Variants in ZNF536 observed in about 807,000 individuals in gnomAD.
ZNF536 encodes the protein zinc finger protein 536.
In ZNF536, 13 loss-of-function variants were observed where a neutral mutation model predicts 84.5. The ratio of observed to expected loss-of-function variants is 0.15; its 90% CI spans 0.10 to 0.24. The LOEUF (loss-of-function observed/expected upper bound fraction) is 0.24, where lower values mean the gene tolerates loss of function less well. Ranked by LOEUF, ZNF536 falls within the 10% of genes least tolerant of loss-of-function variation. The pLI is 1.00. For synonymous variants in ZNF536, 811 were observed against 742.5 expected, an observed-to-expected ratio of 1.09 and a Z score of -1.50; for missense variants, 1,536 against 1,747.5, an observed-to-expected ratio of 0.88 and a Z score of 2.16.
chr19:30,225,735 G>C (rs1404931089), upstream of ZNF536, among the ~76,000 whole-genome samples: 1 of 145,478 alleles, frequency 6.9e-6, no homozygotes, highest in Non-Finnish European at 1.5e-5. Context: ...CGCGGCGCGG[G>C]GGGGCGGCGG....
intron 1 of ZNF536, among the ~76,000 whole-genome samples, chr19:30,408,183 C>T (rs1299929898): frequency 1.3e-5 from 2 of 152,106 alleles, no homozygotes; most frequent in African/African-American, 4.8e-5. Flanking sequence ...GGAAGTTCAA[C>T]CTGTTTTTTG....
At chr19:30,325,377 G>T (rs6510115) in intron 2 of ZNF536, among the ~76,000 whole-genome samples, 2 of 152,032 alleles carry the variant, frequency 1.3e-5, no homozygotes, top group African/African-American at 4.8e-5. Flanking sequence ...TGCAACCCAG[G>T]GCTGCAAGTC....
chr19:30,293,948 A>AT (rs34561500), intron 2 of ZNF536, among the ~76,000 whole-genome samples: 2,300 of 150,824 alleles, frequency 0.015, 24 homozygotes, highest in Middle Eastern at 0.021. Flanking sequence ...TAGCTATTAG[A>AT]TTTTTTTTTT....
At chr19:30,239,776 T>C (rs2023803355) in intron 1 of ZNF536, among the ~76,000 whole-genome samples, 1 of 152,218 alleles carries the variant, frequency 6.6e-6, no homozygotes, top group Non-Finnish European at 1.5e-5. Context: ...TTGCCTTTCC[T>C]GTCCCTACCC....
intron 1 of ZNF536, among the ~76,000 whole-genome samples, chr19:30,398,428 T>C (rs188279505): frequency 6.6e-6 from 1 of 151,870 alleles, no homozygotes. Flanking sequence ...ATAGGGTACA[T>C]GTGCAGAATG....
At chr19:30,497,643 G>A (rs530247070) in intron 2 of ZNF536, among the ~76,000 whole-genome samples, 12 of 152,194 alleles carry the variant, frequency 7.9e-5, no homozygotes, top group Admixed American at 1.3e-4. Flanking sequence ...AAGCAAGGGG[G>A]TGCCCCAGGG....
intron 3 of ZNF536, among the ~76,000 whole-genome samples, chr19:30,544,924 C>T (rs918454456): frequency 2.0e-5 from 3 of 152,166 alleles, no homozygotes; most frequent in African/African-American, 4.8e-5. Flanking sequence ...TTCAGAGTAG[C>T]GTGGGTGTCC....
chr19:30,417,063 T>C (rs191145141), intron 1 of ZNF536, among the ~76,000 whole-genome samples: 16 of 151,832 alleles, frequency 1.1e-4, no homozygotes, highest in African/African-American at 3.6e-4. Flanking sequence ...AGCTTCTACC[T>C]CCTGGGTTCA....
chr19:30,483,402 T>C (rs1242878211), intron 2 of ZNF536, among the ~76,000 whole-genome samples: 1 of 152,042 alleles, frequency 6.6e-6, no homozygotes, highest in African/African-American at 2.4e-5. Flanking sequence ...CACCTCAAAC[T>C]CAGCAGGTCC....
rs373089713 is a variant in ZNF536, at chr19:30,422,891, G to A, written c.-2-20670G>A. Among the ~76,000 whole-genome samples the A allele has an allele frequency of 4.5e-3, 366 of 81,352 alleles. 3 individuals are homozygous for A. The highest frequency in any genetic ancestry group is 0.014 in the African/African-American group (287 of 21,066). The allele number at this position is 81,352 out of a possible 152,430, so 53.4% of individuals were successfully genotyped here. ...CATCCATCCATCCATCCATCCATGC[G>A]TCTACCCACCCACCCATCCCTCCCT... On this transcript the variant is annotated intron_variant, in intron 1 of 4. Coordinates refer to ENST00000355537, the MANE Select transcript of ZNF536 (RefSeq NM_014717.3).
intron 1 of ZNF536, among the ~76,000 whole-genome samples, chr19:30,667,935 G>C (rs930036862): frequency 6.6e-6 from 1 of 152,052 alleles, no homozygotes; most frequent in African/African-American, 2.4e-5. Flanking sequence ...GCTCAGAGAG[G>C]TTAAGTAACT....
intron 2 of ZNF536, among the ~76,000 whole-genome samples, chr19:30,516,256 C>T (rs1400075842): frequency 6.6e-6 from 1 of 152,094 alleles, no homozygotes; most frequent in Non-Finnish European, 1.5e-5. Context: ...CCAGGAAGGA[C>T]CCAGGTGCCT....
intron 2 of ZNF536, among the ~76,000 whole-genome samples, chr19:30,492,939 G>T (rs1345153052): frequency 6.6e-6 from 1 of 152,084 alleles, no homozygotes; most frequent in African/African-American, 2.4e-5. Context: ...ACATTTGCAA[G>T]ACACAAATAT....
intron 1 of ZNF536, among the ~76,000 whole-genome samples, chr19:30,620,788 C>T (rs774890479): frequency 8.5e-5 from 13 of 152,048 alleles, no homozygotes; most frequent in Non-Finnish European, 1.9e-4. Context: ...CATAAAAGGT[C>T]CTCCCTCCGG....
At chr19:30,368,658 C>T (rs1234198872), upstream of ZNF536, among the ~76,000 whole-genome samples, 2 of 152,228 alleles carry the variant, frequency 1.3e-5, no homozygotes, top group African/African-American at 2.4e-5. Flanking sequence ...CATATCTTTG[C>T]TTAAATTGCC....
intron 1 of ZNF536, among the ~76,000 whole-genome samples, chr19:30,601,594 G>T (rs1371078354): frequency 6.6e-6 from 1 of 152,184 alleles, no homozygotes; most frequent in Non-Finnish European, 1.5e-5. Flanking sequence ...CAGCTCCTCA[G>T]ATGGGCCCCT....
intron 1 of ZNF536, among the ~76,000 whole-genome samples, chr19:30,563,712 T>TAAAACCCAC (rs2046255658): frequency 2.0e-5 from 3 of 152,146 alleles, no homozygotes; most frequent in Non-Finnish European, 4.4e-5. Context: ...ACAGGAGCTG[T>TAAAACCCAC]TGTGTGAGGT....
chr19:30,606,364 A>G (rs2047892160), intron 1 of ZNF536, among the ~76,000 whole-genome samples: 2 of 152,150 alleles, frequency 1.3e-5, no homozygotes, highest in South Asian at 4.1e-4. Flanking sequence ...AGGCTTTGAA[A>G]GGGACCTCCT....
intron 2 of ZNF536, among the ~76,000 whole-genome samples, chr19:30,341,606 A>G (rs904634406): frequency 6.6e-6 from 1 of 152,314 alleles, no homozygotes; most frequent in Non-Finnish European, 1.5e-5. Context: ...CCACCTTGAA[A>G]TAAACCCAGG....
Sources: allele counts gnomAD v4.1 joint callset (sites outside exome capture counted in the v4.1 genomes callset), GRCh38; gene constraint gnomAD v4.1.1; transcripts MANE v1.5; gene names NCBI Gene and HGNC (gene_info 2026-07-23, HGNC 2026-07-21).